NBR1: variants seen among roughly 807,000 people sequenced by gnomAD.
NBR1 encodes the protein NBR1 autophagy cargo receptor.
In NBR1, 59 loss-of-function variants were observed where a neutral mutation model predicts 115.5. The ratio of observed to expected loss-of-function variants is 0.51; its 90% CI spans 0.41 to 0.63. The LOEUF is 0.63. NBR1 is among the 30% of genes least tolerant of loss of function. The pLI is 0.00. For synonymous variants in NBR1, 373 were observed against 414.7 expected (o/e 0.90, Z 1.22); for missense variants, 1,043 against 1,150.5 (o/e 0.91, Z 1.35).
In NBR1 at chr17:43,191,419, G is replaced by T. The variant is rs745769330; in HGVS notation, c.911G>T (p.Arg304Met). The change falls in exon 10 of 21, where the codon AGG (arginine) becomes ATG (methionine). Residue 304 changes from arginine (R) to methionine (M), a missense_variant. Transcript: ENST00000590996. ...AACTTTCTTAAAGCAGAAAAGCAAA[G>T]GTTGCGAGCTGAGAAGAAACAACGT... ...DKNFLKAEKQ[R>M]LRAEKKQRKA... 2 of 1,613,576 alleles carry T rather than the reference G, an allele frequency of 1.2e-6. No homozygotes were observed. Among genetic ancestry groups the T allele is most frequent in the Non-Finnish European group, 1.7e-6 (2 of 1,179,728 alleles).
chr17:43,205,187 C>T (rs973599451), intron 20 of NBR1, among the ~76,000 whole-genome samples: 1 of 152,032 alleles, frequency 6.6e-6, no homozygotes, highest in African/African-American at 2.4e-5. Flanking sequence ...AACCCCGTCT[C>T]TACTAAAAAT....
At chr17:43,172,712 T>C (rs2056406027) in intron 1 of NBR1, among the ~76,000 whole-genome samples, 1 of 152,174 alleles carries the variant, frequency 6.6e-6, no homozygotes, top group South Asian at 2.1e-4. Flanking sequence ...ATAATTGTCT[T>C]AGGGTTTCAA....
At chr17:43,192,290 G>A (rs2056967190) in intron 10 of NBR1, among the ~76,000 whole-genome samples, 1 of 152,156 alleles carries the variant, frequency 6.6e-6, no homozygotes, top group African/African-American at 2.4e-5. Flanking sequence ...CCAAAATGGT[G>A]AGATAACAGG....
chr17:43,193,194 T>A lies in NBR1; in HGVS notation c.1174T>A (p.Phe392Ile), dbSNP rs1426278323. The A allele has an allele frequency of 3.1e-6, 5 of 1,613,932 alleles. No individual in the cohort carries two copies. Among genetic ancestry groups the A allele is most frequent in the Non-Finnish European group, 4.2e-6 (5 of 1,179,862 alleles). The change falls in exon 11 of 21, where the codon TTT (phenylalanine) becomes ATT (isoleucine). Residue 392 changes from phenylalanine to isoleucine, a missense_variant. By Grantham distance (21) the Phe-to-Ile change is conservative. Coordinates refer to ENST00000590996, the MANE Select transcript of NBR1 (RefSeq NM_005899.5). ...DGTHLQPGTK[F>I]IKHWRMKNTG... ...GACTCACCTTCAGCCAGGAACCAAGTTTATCAAACACTGGAGGATGAAAAA... is the reference window on the plus strand; with the variant it reads ...GACTCACCTTCAGCCAGGAACCAAGATTATCAAACACTGGAGGATGAAAAA...
chr17:43,203,956 G>A (rs1463786060), intron 20 of NBR1, among the ~76,000 whole-genome samples, 170 bp downstream of exon 20: 1 of 76,454 alleles, frequency 1.3e-5, no homozygotes, highest in Non-Finnish European at 2.7e-5. Flanking sequence ...TTTTTTTTTT[G>A]AGACGAAGTC....
At chr17:43,188,393 T>C (rs923623307) in intron 6 of NBR1, among the ~76,000 whole-genome samples, 17 of 152,220 alleles carry the variant, frequency 1.1e-4, no homozygotes, top group Non-Finnish European at 2.5e-4. Flanking sequence ...GCAAAAGTTT[T>C]CTCTCATTGT....
intron 13 of NBR1, 72 bp from the exon 14 acceptor site, chr17:43,194,887 GGAAAT>G: frequency 9.4e-7 from 1 of 1,064,784 alleles, no homozygotes; most frequent in East Asian, 2.4e-5. Context: ...GAAATGATGT[GGAAAT>G]GGTCTACAGG....
At chr17:43,188,916 G>A (rs2056880355) in intron 6 of NBR1, 126 bp from the exon 7 acceptor site, 3 of 676,002 alleles carry the variant, frequency 4.4e-6, no homozygotes, top group South Asian at 3.8e-5. Flanking sequence ...CCTTCATACT[G>A]TGACTTTTTA....
chr17:43,192,030 T>TC (rs2056960199), intron 10 of NBR1, among the ~76,000 whole-genome samples: 1 of 148,134 alleles, frequency 6.8e-6, no homozygotes, highest in Non-Finnish European at 1.5e-5. Context: ...CTTTTTTTTT[T>TC]TTTTTTTTGA....
chr17:43,182,211 C>CTTTTTTTTTTTTT (rs752789312), intron 5 of NBR1, among the ~76,000 whole-genome samples: 1 of 71,608 alleles, frequency 1.4e-5, no homozygotes, highest in Non-Finnish European at 2.5e-5. Flanking sequence ...CTGTTCTCTC[C>CTTTTTTTTTTTTT]TTTTTTTTTT....
At chr17:43,174,055 C>G (rs1450657326) in intron 1 of NBR1, among the ~76,000 whole-genome samples, 1 of 152,070 alleles carries the variant, frequency 6.6e-6, no homozygotes, top group Non-Finnish European at 1.5e-5. Context: ...ACTTGTTAGG[C>G]ATGATAATGA....
chr17:43,208,061 T>G (rs1028890416), intron 20 of NBR1, among the ~76,000 whole-genome samples: 2 of 152,194 alleles, frequency 1.3e-5, no homozygotes, highest in African/African-American at 4.8e-5. Context: ...GAGAGTTCTA[T>G]GCTGGAACTT....
In NBR1 at chr17:43,191,561, G is replaced by T. The variant is rs1266928547; in HGVS notation, c.1053G>T (p.Leu351Phe). ...PKSPLGRPES[L>F]LQSNTLMLPL... is the part of the protein sequence containing the mutation. The stretch of plus-strand genomic sequence containing the variant: ...CTCCTTTAGGCCGACCTGAGAGCTT[G>T]CTCCAGTCTAATACCCTGATGTAAG... The change falls in exon 10 of 21, where the codon TTG becomes TTT. Residue 351 changes from leucine (L) to phenylalanine (F), a missense_variant. Leu to Phe is a conservative substitution (Grantham distance 22, BLOSUM62 0). Transcript: ENST00000590996. The T allele has an allele frequency of 3.7e-6, 6 of 1,611,994 alleles. No homozygotes were observed. The highest frequency in any genetic ancestry group is 1.3e-5 in the African/African-American group (1 of 74,868).
chr17:43,176,972 T>A (rs530538902), intron 2 of NBR1, among the ~76,000 whole-genome samples: 1 of 152,198 alleles, frequency 6.6e-6, no homozygotes, highest in Non-Finnish European at 1.5e-5. Context: ...ACTAGGATCA[T>A]ACTATAAACA....
At chr17:43,207,649 T>C (rs760004165) in intron 20 of NBR1, among the ~76,000 whole-genome samples, 7 of 152,244 alleles carry the variant, frequency 4.6e-5, no homozygotes, top group Non-Finnish European at 8.8e-5. Flanking sequence ...CTTGAGCCGC[T>C]GCACCCAGCC....
intron 20 of NBR1, among the ~76,000 whole-genome samples, chr17:43,206,405 C>T (rs900183596): frequency 6.6e-6 from 1 of 152,014 alleles, no homozygotes. Flanking sequence ...TGCCTGTAAT[C>T]CCAGCACTTT....
In NBR1 at chr17:43,171,290, G is replaced by A. The variant is rs1472765010; in HGVS notation, c.-22G>A. On this transcript the variant is annotated 5_prime_UTR_variant, in exon 1 of 21. Transcript: ENST00000590996. ...TTGGCCTCCGGCAGGCGCCCCCCGGGGGCGGGAAGCTGGTAAGGAAGCAGC... is the reference window on the plus strand; with the variant it reads ...TTGGCCTCCGGCAGGCGCCCCCCGGAGGCGGGAAGCTGGTAAGGAAGCAGC... The A allele has an allele frequency of 1.3e-5, 2 of 152,738 alleles. No homozygotes were observed. Among genetic ancestry groups the A allele is most frequent in the African/African-American group, 4.8e-5 (2 of 41,468 alleles). The allele number at this position is 152,738 out of a possible 1,614,324, so 9.5% of individuals were successfully genotyped here. A position where few individuals can be genotyped will look rare whatever the true frequency, so the allele number is the denominator to read the frequency against.
Position 43,206,473 on chromosome 17 carries a change from T to C in NBR1, c.2727+2687T>C, listed in dbSNP as rs184979035. On this transcript the variant is annotated intron_variant, in intron 20 of 20. Transcript: ENST00000590996. ...GAGTTCAAGACCAGCCTGGCCAATA[T>C]GGTGAAACCACATCTCTACTAAAAA... 5.8e-4 allele frequency among the ~76,000 whole-genome samples: 88 copies of C among 151,448 alleles called. No homozygotes were observed. The East Asian group carries it at 0.011, about 18-fold the overall frequency.
intron 20 of NBR1, among the ~76,000 whole-genome samples, chr17:43,204,813 T>TAAAAAAAAAA (rs1214948352): frequency 4.1e-4 from 50 of 122,250 alleles, no homozygotes; most frequent in Middle Eastern, 8.5e-3. Flanking sequence ...GACTCCATCT[T>TAAAAAAAAAA]AAAAAAAAAA....
Sources: allele counts gnomAD v4.1 joint callset (sites outside exome capture counted in the v4.1 genomes callset), GRCh38; gene constraint gnomAD v4.1.1; transcripts MANE v1.5; gene names NCBI Gene and HGNC (gene_info 2026-07-23, HGNC 2026-07-21).